The following ARHGAP22 variants were observed in gnomAD, a reference collection of about 807,000 sequenced individuals.
ARHGAP22 encodes Rho GTPase activating protein 22, also known as rho GTPase-activating protein 22.
A neutral mutation model predicts 59.1 loss-of-function variants in ARHGAP22; 48 were observed. That is an observed-to-expected ratio of 0.81 (90% CI 0.64 to 1.03). The LOEUF (loss-of-function observed/expected upper bound fraction) is 1.03. ARHGAP22 is among the 50% of genes least tolerant of loss of function. ARHGAP22 has a pLI of 0.00. For missense variants in ARHGAP22, 1,015 were observed against 958.7 expected (o/e 1.06, Z -0.78); for synonymous variants, 445 against 416.4 (o/e 1.07, Z -0.84).
chr10:48,593,356 G>C (rs2059879919), intron 1 of ARHGAP22, among the ~76,000 whole-genome samples: 1 of 152,126 alleles, frequency 6.6e-6, no homozygotes, highest in Non-Finnish European at 1.5e-5. Context: ...TTCAAGCCAG[G>C]GATATATTCT....
At chr10:48,534,672 C>T (rs182964769) in intron 3 of ARHGAP22, among the ~76,000 whole-genome samples, 2 of 152,252 alleles carry the variant, frequency 1.3e-5, no homozygotes, top group African/African-American at 2.4e-5. Context: ...TGCAAGAACC[C>T]TATCATAATC....
At chr10:48,627,022 C>T (rs2061474254) in intron 1 of ARHGAP22, among the ~76,000 whole-genome samples, 1 of 152,134 alleles carries the variant, frequency 6.6e-6, no homozygotes, top group Non-Finnish European at 1.5e-5. Context: ...AACGAAGCCT[C>T]CATAAAAACC....
intron 4 of ARHGAP22, among the ~76,000 whole-genome samples, chr10:48,473,616 C>T (rs1196360443): frequency 1.3e-5 from 2 of 152,066 alleles, no homozygotes; most frequent in Admixed American, 1.3e-4. Flanking sequence ...TTATGACAAT[C>T]CTGCAAAAAA....
chr10:48,470,783 G>C (rs1287992239), intron 4 of ARHGAP22, among the ~76,000 whole-genome samples: 2 of 152,222 alleles, frequency 1.3e-5, no homozygotes, highest in Non-Finnish European at 2.9e-5. Context: ...CCACTGGCCA[G>C]GCAGGTTGAC....
rs1412861583 is a variant in ARHGAP22 at position 48,543,397 on chromosome 10, CAG to C, written c.322+12064_322+12065del. On this transcript the variant is annotated intron_variant, in intron 3 of 9. Transcript: ENST00000249601. ...ATTCACACCACCCTGAGCACAGCCT[CAG>C]GGCCCCTGCTTCTGGGGTGGCTCAC... 1.4e-4 allele frequency among the ~76,000 whole-genome samples: 22 copies of C among 152,260 alleles called. No individual in the cohort carries two copies. The South Asian group carries it at 4.6e-3, about 32-fold the overall frequency.
chr10:48,530,263 C>CAAAAAAAA (rs1284391769), intron 3 of ARHGAP22, among the ~76,000 whole-genome samples: 5 of 98,808 alleles, frequency 5.1e-5, no homozygotes, highest in African/African-American at 2.0e-4. Flanking sequence ...AAAAAAAAAT[C>CAAAAAAAA]AACTCAAGAT....
intron 3 of ARHGAP22, among the ~76,000 whole-genome samples, 155 bp from the exon 4 acceptor site, chr10:48,479,919 C>A (rs923505483): frequency 6.6e-6 from 1 of 152,244 alleles, no homozygotes; most frequent in Non-Finnish European, 1.5e-5. Context: ...ATCCCTTTCA[C>A]AACTCATATC....
chr10:48,563,187 A>ATTTTTTTTTTTTTTTTT (rs558735630), intron 2 of ARHGAP22, among the ~76,000 whole-genome samples: 4 of 104,214 alleles, frequency 3.8e-5, no homozygotes, highest in Admixed American at 1.1e-4. Context: ...ATCCAGGATA[A>ATTTTTTTTTTTTTTTTT]TTTTTTTTTT....
At chr10:48,597,522 G>T (rs369961337) in intron 1 of ARHGAP22, among the ~76,000 whole-genome samples, 1 of 152,118 alleles carries the variant, frequency 6.6e-6, no homozygotes, top group Non-Finnish European at 1.5e-5. Context: ...ATAAATGGGG[G>T]CCAGATACGG....
intron 2 of ARHGAP22, among the ~76,000 whole-genome samples, chr10:48,574,114 G>T (rs934380265): frequency 6.6e-5 from 10 of 152,218 alleles, no homozygotes; most frequent in African/African-American, 2.4e-4. Flanking sequence ...AGGGAAGGCA[G>T]TCAATAAGCT....
chr10:48,566,873 T>C (rs1484921242), intron 2 of ARHGAP22, among the ~76,000 whole-genome samples: 2 of 152,160 alleles, frequency 1.3e-5, no homozygotes, highest in Non-Finnish European at 2.9e-5. Flanking sequence ...AAGCTCTTAC[T>C]TTCAGTGTTG....
chr10:48,493,470 C>A, intron 3 of ARHGAP22: 1 of 1,536,118 alleles, frequency 6.5e-7, no homozygotes, highest in Admixed American at 2.0e-5. Flanking sequence ...TCTTCAGACA[C>A]CTGATGGGCC....
At chr10:48,590,072 G>A (rs148609424) in intron 1 of ARHGAP22, among the ~76,000 whole-genome samples, 1 of 152,032 alleles carries the variant, frequency 6.6e-6, no homozygotes, top group African/African-American at 2.4e-5. Flanking sequence ...AGTTAAGGTC[G>A]CAGTGTCATG....
chr10:48,634,613 G>A (rs2061742130), intron 1 of ARHGAP22, among the ~76,000 whole-genome samples: 1 of 152,072 alleles, frequency 6.6e-6, no homozygotes, highest in Non-Finnish European at 1.5e-5. Context: ...CATCTGTCTA[G>A]ACACTCTCTG....
chr10:48,535,711 C>A (rs1252783334), intron 3 of ARHGAP22, among the ~76,000 whole-genome samples: 7 of 152,264 alleles, frequency 4.6e-5, no homozygotes, highest in Non-Finnish European at 7.3e-5. Context: ...TGCCACCACA[C>A]TGCTTTGACT....
chr10:48,452,265 G>T (rs548591183), intron 8 of ARHGAP22, among the ~76,000 whole-genome samples: 26 of 152,294 alleles, frequency 1.7e-4, no homozygotes, highest in African/African-American at 6.0e-4. Flanking sequence ...ACGCTAGGAG[G>T]TCCCCCGGTA....
intron 3 of ARHGAP22, among the ~76,000 whole-genome samples, chr10:48,507,578 G>A (rs2052276947): frequency 6.6e-6 from 1 of 152,146 alleles, no homozygotes; most frequent in Admixed American, 6.5e-5. Flanking sequence ...CACACAGAGT[G>A]AAAAGTGAAA....
chr10:48,511,111 CGG>C (rs1241567488), intron 3 of ARHGAP22, among the ~76,000 whole-genome samples: 1 of 152,104 alleles, frequency 6.6e-6, no homozygotes, highest in Non-Finnish European at 1.5e-5. Flanking sequence ...ACTCCATGCA[CGG>C]CACGGCAGCC....
At chr10:48,492,264 A>T (rs965904686) in intron 3 of ARHGAP22, among the ~76,000 whole-genome samples, 2 of 152,222 alleles carry the variant, frequency 1.3e-5, no homozygotes, top group Non-Finnish European at 2.9e-5. Flanking sequence ...AATATTTTTT[A>T]AAACTTTTTT....
Sources: gnomAD v4.1 joint callset for allele counts (sites outside exome capture counted in the v4.1 genomes callset) on GRCh38, gnomAD v4.1.1 for gene constraint, MANE v1.5 for transcripts, NCBI Gene and HGNC (gene_info 2026-07-23, HGNC 2026-07-21) for gene names.